PKLR: variants seen among roughly 807,000 people sequenced by gnomAD.
PKLR encodes the protein pyruvate kinase L/R.
PKLR carries 38 observed loss-of-function variants against 53.6 expected under a neutral mutation model. The observed-to-expected ratio is 0.71, with a 90% confidence interval of 0.55 to 0.93. PKLR has a LOEUF of 0.93. PKLR is among the 40% of genes least tolerant of loss of function. PKLR has a pLI of 0.00. For synonymous variants in PKLR, 328 were observed against 316.2 expected, an observed-to-expected ratio of 1.04 and a Z score of -0.39; for missense variants, 702 against 787.3, an observed-to-expected ratio of 0.89 and a Z score of 1.30.
Position 155,294,372 on chromosome 1 carries a change from G to C in PKLR, c.979C>G (p.Leu327Val), listed in dbSNP as rs767088632. The C allele has an allele frequency of 5.0e-6, 8 of 1,614,036 alleles. No homozygotes were observed. The South Asian group carries it at 7.7e-5, about 16-fold the overall frequency. ...ACCATGATGCCGTCGCTCACCTCCA[G>C]GATTTCATCAAACCTGAGAGGTTGG... ...HEGVKRFDEI[L>V]EVSDGIMVAR... The change falls in exon 7 of 11, where the codon CTG (leucine) becomes GTG (valine). Residue 327 changes from leucine (L) to valine (V), a missense_variant. By Grantham distance (32) the Leu-to-Val change is conservative (BLOSUM62 1). This residue lies in a region of PKLR where 519 missense variants were observed against 537.1 expected (regional missense o/e 0.97). Coordinates refer to ENST00000342741, the MANE Select transcript of PKLR (RefSeq NM_000298.6).
chr1:155,305,462 C>A (rs1030179017), upstream of PKLR, among the ~76,000 whole-genome samples: 4 of 152,152 alleles, frequency 2.6e-5, no homozygotes, highest in Non-Finnish European at 5.9e-5. Flanking sequence ...GTAGAGAGGA[C>A]TTCCGGAGGG....
chr1:155,301,997 C>G (rs1175701594), upstream of PKLR, among the ~76,000 whole-genome samples: 1 of 152,048 alleles, frequency 6.6e-6, no homozygotes, highest in East Asian at 1.9e-4. Context: ...CTTATAGACT[C>G]CTACCCCCAG....
At position 155,295,075 on chromosome 1, in the gene PKLR, C is replaced by T. The variant is rs202138560; in HGVS notation, c.694+41G>A. ...GGGAGCCAAGGAGAAGGGAATGTGC[C>T]CAGCGCACGGATGTGGTCAGGGCGG... On this transcript the variant is annotated intron_variant, in intron 5 of 10. Coordinates refer to ENST00000342741, the MANE Select transcript of PKLR (RefSeq NM_000298.6). This position sits in a 1 kb window ranked among gnomAD's most constrained non-coding sequence, Gnocchi z 4.3. The T allele has an allele frequency of 1.2e-6, 2 of 1,604,268 alleles. No individual in the cohort carries two copies. The highest frequency in any genetic ancestry group is 2.7e-5 in the African/African-American group (2 of 74,798).
At chr1:155,300,822 CAG>C (rs1647950722) in intron 1 of PKLR, 1 of 1,594,774 alleles carries the variant, frequency 6.3e-7, no homozygotes, top group Non-Finnish European at 8.6e-7. Flanking sequence ...GCTACAGACA[CAG>C]AGGTCCCTGT....
Position 155,295,824 on chromosome 1 carries a change from T to C in PKLR, c.284-68A>G, listed in dbSNP as rs1356267973. The C allele has an allele frequency of 1.5e-6, 2 of 1,372,862 alleles. No homozygotes were observed. The highest frequency in any genetic ancestry group is 1.2e-5 in the South Asian group (1 of 86,120). 85.0% of individuals were successfully genotyped at this position (1,372,862 alleles called of 1,614,324 possible). On this transcript the variant is annotated intron_variant, in intron 2 of 10. Transcript: ENST00000342741. The surrounding 1 kb of genome is among the most constrained non-coding windows in gnomAD (Gnocchi z 4.3). The stretch of plus-strand genomic sequence containing the variant: ...ATGAGAGGCAACCAAACCCAACCCA[T>C]TACCATTCTCAGAACGCCTCACGCC...
At chr1:155,292,520 C>A (rs1647265426) in intron 9 of PKLR, among the ~76,000 whole-genome samples, 1 of 152,068 alleles carries the variant, frequency 6.6e-6, no homozygotes, top group African/African-American at 2.4e-5. Context: ...GCCTGTAATC[C>A]CAGCTACTCG....
In PKLR at chr1:155,291,900, C is replaced by A. The variant is rs1238958347; in HGVS notation, c.1474G>T (p.Ala492Ser). 1 of 1,613,662 alleles carries A rather than the reference C, an allele frequency of 6.2e-7. No homozygotes were observed. Among genetic ancestry groups the A allele is most frequent in the Non-Finnish European group, 8.5e-7 (1 of 1,180,016 alleles). The change falls in exon 10 of 11, where the codon GCA (alanine) becomes TCA (serine). Residue 492 changes from alanine (A) to serine (S), a missense_variant. Coordinates refer to ENST00000342741, the MANE Select transcript of PKLR (RefSeq NM_000298.6). ...QLLSRYRPRA[A>S]VIAVTRSAQA... ...GCAGAGCGGGTGACAGCAATGACTGCTGCCCGAGGTCGGTACCGAGACAGA... is the reference window on the plus strand; with the variant it reads ...GCAGAGCGGGTGACAGCAATGACTGATGCCCGAGGTCGGTACCGAGACAGA...
chr1:155,294,287 ATCT>A lies in PKLR; in HGVS notation c.1061_1063del (p.Lys354del), dbSNP rs972965556. 4 of 1,613,916 alleles carry A rather than the reference ATCT, an allele frequency of 2.5e-6. No individual in the cohort carries two copies. The highest frequency in any genetic ancestry group is 3.4e-6 in the Non-Finnish European group (4 of 1,179,994). ...CGCCAAGTTGCAGCGCCCAATCATCATCTTCTGAGCCAGGAAAACCTTCTCTGC... is the reference window on the plus strand; with the variant it reads ...CGCCAAGTTGCAGCGCCCAATCATCATCTGAGCCAGGAAAACCTTCTCTGC... On this transcript the variant is annotated inframe_deletion, in exon 7 of 11. Coordinates refer to ENST00000342741, the MANE Select transcript of PKLR (RefSeq NM_000298.6).
intron 2 of PKLR, among the ~76,000 whole-genome samples, chr1:155,298,839 C>G (rs1647756014): frequency 6.7e-6 from 1 of 149,606 alleles, no homozygotes; most frequent in African/African-American, 2.5e-5. Flanking sequence ...AACAGAGTTT[C>G]ACCACATTAG....
chr1:155,293,722 T>C lies in PKLR; in HGVS notation c.1117-132A>G, dbSNP rs1572054337. ...GGGTCACAGTCACAACCCCTGAAAA[T>C]AGGAGTCAAAGTATATTTAACTTTG... On this transcript the variant is annotated intron_variant, in intron 7 of 10. Transcript: ENST00000342741. This position sits in a 1 kb window ranked among gnomAD's most constrained non-coding sequence, Gnocchi z 4.2. 2 of 856,584 alleles carry C rather than the reference T, an allele frequency of 2.3e-6. No homozygotes were observed. Among genetic ancestry groups the C allele is most frequent in the East Asian group, 5.2e-5 (2 of 38,528 alleles). 53.1% of individuals were successfully genotyped at this position (856,584 alleles called of 1,614,324 possible). A position where few individuals can be genotyped will look rare whatever the true frequency, so the allele number is the denominator to read the frequency against.
In PKLR at chr1:155,294,187, T is replaced by C. The variant is rs1440598431; in HGVS notation, c.1116+48A>G. Reference sequence around the variant, plus strand: ...TACAGTGTGGGTATTCACCCACAGGTGTCCCTAAAACCCACAGAGTGCCGA... The same window carrying C: ...TACAGTGTGGGTATTCACCCACAGGCGTCCCTAAAACCCACAGAGTGCCGA... On this transcript the variant is annotated intron_variant, in intron 7 of 10. Coordinates refer to ENST00000342741, the MANE Select transcript of PKLR (RefSeq NM_000298.6). 2.5e-6 allele frequency: 4 copies of C among 1,597,166 alleles called. No individual in the cohort carries two copies. In the Admixed American group the frequency reaches 6.7e-5, roughly 27 times the overall value.
At chr1:155,297,176 C>T (rs375467088) in intron 2 of PKLR, among the ~76,000 whole-genome samples, 1 of 152,196 alleles carries the variant, frequency 6.6e-6, no homozygotes, top group Non-Finnish European at 1.5e-5. Flanking sequence ...GAGATACCAT[C>T]TATATGTAGC....
At chr1:155,303,416 G>A (rs994689355), upstream of PKLR, among the ~76,000 whole-genome samples, 2 of 152,128 alleles carry the variant, frequency 1.3e-5, no homozygotes, top group African/African-American at 2.4e-5. Context: ...GAGCACCTAC[G>A]CTGTATCAGG....
rs900158712 is a variant in PKLR, at chr1:155,290,443, G to T, written c.*129C>A. 5.8e-6 allele frequency: 4 copies of T among 685,820 alleles called. No individual in the cohort carries two copies. Among genetic ancestry groups the T allele is most frequent in the Non-Finnish European group, 1.1e-5 (4 of 374,640 alleles). 42.5% of individuals were successfully genotyped at this position (685,820 alleles called of 1,614,324 possible). ...TATAGTCTCAGATAGGCCTCAGGTA[G>T]GGAGGGTCAGGAATAGAGAAGAGAG... On this transcript the variant is annotated 3_prime_UTR_variant, in exon 11 of 11. Coordinates refer to ENST00000342741, the MANE Select transcript of PKLR (RefSeq NM_000298.6).
chr1:155,294,676 G>T lies in PKLR; in HGVS notation c.771C>A (p.Ala257=), dbSNP rs1468921687. The T allele has an allele frequency of 5.6e-6, 9 of 1,614,114 alleles. No individual in the cohort carries two copies. Among genetic ancestry groups the T allele is most frequent in the Non-Finnish European group, 7.6e-6 (9 of 1,180,034 alleles). The stretch of plus-strand genomic sequence containing the variant: ...CGGACAGCCCGGGCAAGTCCACCTG[G>T]GCCCCTGGCAAGTTCACGCCCTTCC... The part of the protein sequence containing the change: ...GSRKGVNLPG[A]QVDLPGLSEQ... Residue 257 remains alanine, a synonymous_variant, in exon 6 of 11, where the codon GCC becomes GCA. Coordinates refer to ENST00000342741, the MANE Select transcript of PKLR (RefSeq NM_000298.6).
At chr1:155,305,204 C>T (rs575084230), upstream of PKLR, among the ~76,000 whole-genome samples, 9 of 152,326 alleles carry the variant, frequency 5.9e-5, no homozygotes, top group Non-Finnish European at 8.8e-5. Flanking sequence ...TTGTATAATC[C>T]TGTTATGAAA....
Position 155,295,412 on chromosome 1 carries a change from A to G in PKLR, c.507+25T>C. The G allele has an allele frequency of 1.2e-6, 2 of 1,611,600 alleles. No homozygotes were observed. The highest frequency in any genetic ancestry group is 1.7e-6 in the Non-Finnish European group (2 of 1,178,950). ...GGCGCCGCCTTTCCGGCCCTGGCCC[A>G]GCGAGTCCCAGCCCCACTGCTCACC... On this transcript the variant is annotated intron_variant, in intron 4 of 10. Transcript: ENST00000342741. This position sits in a 1 kb window ranked among gnomAD's most constrained non-coding sequence, Gnocchi z 4.3.
Position 155,290,281 on chromosome 1 carries a change from G to T in PKLR, c.*291C>A. The T allele has an allele frequency of 4.3e-6, 2 of 466,348 alleles. No individual in the cohort carries two copies. Among genetic ancestry groups the T allele is most frequent in the Non-Finnish European group, 7.8e-6 (2 of 254,944 alleles). The allele number at this position is 466,348 out of a possible 1,614,324, so 28.9% of individuals were successfully genotyped here. A position where few individuals can be genotyped will look rare whatever the true frequency, so the allele number is the denominator to read the frequency against. ...GATTAAAGACTCAAGGCATCTTAGG[G>T]CCTGCTGAGCAGATTGGATGCAGGG... On this transcript the variant is annotated 3_prime_UTR_variant, in exon 11 of 11. Coordinates refer to ENST00000342741, the MANE Select transcript of PKLR (RefSeq NM_000298.6).
the PKLR span, among the ~76,000 whole-genome samples, chr1:155,308,145 C>T: frequency 6.6e-6 from 1 of 150,408 alleles, no homozygotes; most frequent in Admixed American, 6.6e-5. Flanking sequence ...ACTGCAACCT[C>T]TGCCTTACGA....
Sources: gnomAD v4.1 joint callset for allele counts (sites outside exome capture counted in the v4.1 genomes callset) on GRCh38, gnomAD v4.1.1 for gene constraint, gnomAD v4.1.1 regional missense constraint, Gnocchi (gnomAD v3.1) non-coding constraint, MANE v1.5 for transcripts, NCBI Gene and HGNC (gene_info 2026-07-23, HGNC 2026-07-21) for gene names.